Variants in TBC1D1 observed in about 807,000 individuals in gnomAD.
The protein encoded by TBC1D1 is TBC1 domain family member 1.
TBC1D1 carries 89 observed loss-of-function variants against 125.6 expected under a neutral mutation model. The ratio of observed to expected loss-of-function variants is 0.71; its 90% CI spans 0.60 to 0.85. The LOEUF (loss-of-function observed/expected upper bound fraction) is 0.85. TBC1D1 is among the 40% of genes least tolerant of loss of function. The pLI is 0.00. For missense variants in TBC1D1, 1,377 were observed against 1,469.2 expected (o/e 0.94, Z 1.03); for synonymous variants, 565 against 564.1 (o/e 1.00, Z -0.02).
chr4:38,071,895 AC>A (rs1292594780), intron 12 of TBC1D1, among the ~76,000 whole-genome samples: 1 of 152,026 alleles, frequency 6.6e-6, no homozygotes. Flanking sequence ...CAAAGACCAT[AC>A]CCCCAGGAGC....
chr4:38,038,963 T>G (rs984096435), intron 8 of TBC1D1, among the ~76,000 whole-genome samples: 26 of 145,232 alleles, frequency 1.8e-4, no homozygotes, highest in South Asian at 2.2e-4. Context: ...AAAAAAAAAT[T>G]TCATCCTACC....
chr4:38,035,568 T>TGAGGA lies in TBC1D1; in HGVS notation c.1303-20_1303-19insGAGGA, dbSNP rs1747051510. ...GTTGACGATTAAAAATAAATCCTGT[T>TGAGGA]TCTGATTTTTGTTTTAAAGAAATTG... On this transcript the variant is annotated intron_variant, in intron 7 of 19. Coordinates refer to ENST00000261439, the MANE Select transcript of TBC1D1 (RefSeq NM_015173.4). 1.3e-6 allele frequency: 2 copies of TGAGGA among 1,587,472 alleles called. No individual in the cohort carries two copies. Among genetic ancestry groups the TGAGGA allele is most frequent in the African/African-American group, 1.3e-5 (1 of 74,182 alleles).
At chr4:37,985,097 C>T (rs971449445) in intron 2 of TBC1D1, among the ~76,000 whole-genome samples, 4 of 151,818 alleles carry the variant, frequency 2.6e-5, no homozygotes, top group Admixed American at 2.6e-4. Flanking sequence ...AGACTACAGG[C>T]ACGCGCCACC....
At chr4:38,112,899 T>C (rs558890322) in intron 15 of TBC1D1, among the ~76,000 whole-genome samples, 1 of 152,306 alleles carries the variant, frequency 6.6e-6, no homozygotes, top group South Asian at 2.1e-4. Flanking sequence ...TGGTTGAACC[T>C]TTCTCGAGAA....
chr4:37,933,433 T>TACACACACACAC (rs3038289), intron 2 of TBC1D1, among the ~76,000 whole-genome samples: 2 of 147,366 alleles, frequency 1.4e-5, no homozygotes, highest in African/African-American at 5.1e-5. Flanking sequence ...ACATATGTTT[T>TACACACACACAC]ACACACACAC....
At chr4:38,052,695 T>C (rs942044595) in intron 11 of TBC1D1, among the ~76,000 whole-genome samples, 7 of 147,442 alleles carry the variant, frequency 4.7e-5, no homozygotes, top group African/African-American at 1.8e-4. Flanking sequence ...CTTACATGCA[T>C]GCGTATATAC....
At chr4:37,897,305 C>G (rs17496783) in intron 1 of TBC1D1, among the ~76,000 whole-genome samples, 2,342 of 152,214 alleles carry the variant, frequency 0.015, 39 homozygotes, top group Middle Eastern at 0.027. Flanking sequence ...CATAGTTTAT[C>G]TCTGTTATGG....
At chr4:37,964,405 C>T (rs867878204) in intron 2 of TBC1D1, among the ~76,000 whole-genome samples, 9 of 152,160 alleles carry the variant, frequency 5.9e-5, no homozygotes, top group African/African-American at 1.9e-4. Context: ...ACATCCAACT[C>T]GAGACTCAGG....
chr4:38,014,374 TC>T lies in TBC1D1; in HGVS notation c.418-133del, dbSNP rs1742161989. On this transcript the variant is annotated intron_variant, in intron 2 of 19. Transcript: ENST00000261439. The surrounding 1 kb of genome is among the most constrained non-coding windows in gnomAD (Gnocchi z 5.1). The stretch of plus-strand genomic sequence containing the variant: ...TTCCTAGTCCCCTCCCGTGGGCTCC[TC>T]CTCCAGTGGGCTCCTCCTCCAGTGC... The T allele has an allele frequency of 2.6e-6, 2 of 775,572 alleles. No individual in the cohort carries two copies. The highest frequency in any genetic ancestry group is 2.6e-5 in the East Asian group (1 of 37,746). 48.0% of individuals were successfully genotyped at this position (775,572 alleles called of 1,614,324 possible). A position where few individuals can be genotyped will look rare whatever the true frequency, so the allele number is the denominator to read the frequency against.
At chr4:38,101,340 G>A (rs979088042) in intron 14 of TBC1D1, among the ~76,000 whole-genome samples, 2 of 152,132 alleles carry the variant, frequency 1.3e-5, no homozygotes, top group African/African-American at 4.8e-5. Context: ...AGAAAGACTT[G>A]GCATCTTATT....
chr4:38,052,466 G>C (rs1455207161), intron 11 of TBC1D1, among the ~76,000 whole-genome samples: 1 of 151,342 alleles, frequency 6.6e-6, no homozygotes, highest in African/African-American at 2.4e-5. Context: ...CGAGTAGCTG[G>C]GACTACAGGC....
At chr4:37,958,458 ATTG>A (rs1459687661) in intron 2 of TBC1D1, among the ~76,000 whole-genome samples, 1 of 152,062 alleles carries the variant, frequency 6.6e-6, no homozygotes, top group Non-Finnish European at 1.5e-5. Flanking sequence ...TGTTTTGTTC[ATTG>A]TTGTTTCTTT....
At chr4:38,119,531 A>T (rs1212438827) in intron 17 of TBC1D1, among the ~76,000 whole-genome samples, 1 of 151,898 alleles carries the variant, frequency 6.6e-6, no homozygotes, top group Non-Finnish European at 1.5e-5. Context: ...AAAAAAAAAG[A>T]TTAACTAAAA....
At chr4:38,018,308 A>G (rs1265462130) in intron 3 of TBC1D1, 46 bp from the exon 4 acceptor site, 3 of 1,375,426 alleles carry the variant, frequency 2.2e-6, no homozygotes, top group Non-Finnish European at 3.1e-6. Flanking sequence ...ATAGGTCATG[A>G]AATGAGAAAG....
Position 38,118,234 on chromosome 4 carries a change from T to TTA in TBC1D1, c.2962+42_2962+43insTA, listed in dbSNP as rs746995242. 30 of 1,604,316 alleles carry TTA rather than the reference T, an allele frequency of 1.9e-5. No homozygotes were observed. In the East Asian group the frequency reaches 5.1e-4, roughly 27 times the overall value. ...CTGTTTGCCAGAACCAGCCTTCTCT[T>TTA]ATTAGAGGGGAAACATTTCCTGTCT... is the stretch of plus-strand genomic sequence containing the variant. On this transcript the variant is annotated intron_variant, in intron 17 of 19. Coordinates refer to ENST00000261439, the MANE Select transcript of TBC1D1 (RefSeq NM_015173.4).
At position 37,995,824 on chromosome 4, in the gene TBC1D1, G is replaced by T; in HGVS notation, c.418-18685G>T. 1.8e-6 allele frequency: 1 copy of T among 558,548 alleles called. No homozygotes were observed. The allele number at this position is 558,548 out of a possible 1,614,324, so 34.6% of individuals were successfully genotyped here. On this transcript the variant is annotated intron_variant, in intron 2 of 19. Transcript: ENST00000261439. The surrounding 1 kb of genome is among the most constrained non-coding windows in gnomAD (Gnocchi z 4.3). ...AAATCATTTGCATCCTCAGTCTTGG[G>T]GATCAGGTGCTGGATCCATGTGATC...
intron 2 of TBC1D1, among the ~76,000 whole-genome samples, chr4:37,987,970 G>A (rs1735794498): frequency 6.6e-6 from 1 of 152,214 alleles, no homozygotes; most frequent in African/African-American, 2.4e-5. Flanking sequence ...TAGCACACTA[G>A]GCAGGCAGTA....
chr4:38,128,464 T>G (rs1404187963), intron 18 of TBC1D1, among the ~76,000 whole-genome samples: 2 of 152,166 alleles, frequency 1.3e-5, no homozygotes, highest in African/African-American at 2.4e-5. Context: ...GTAGATGTAA[T>G]GGATGCTTCC....
At chr4:38,077,286 C>G (rs993957436) in intron 12 of TBC1D1, among the ~76,000 whole-genome samples, 6 of 152,298 alleles carry the variant, frequency 3.9e-5, no homozygotes, top group Middle Eastern at 3.4e-3. Context: ...GCGTACAAGT[C>G]TTGTAAGGAA....
Sources: allele counts gnomAD v4.1 joint callset (sites outside exome capture counted in the v4.1 genomes callset), GRCh38; gene constraint gnomAD v4.1.1; non-coding constraint Gnocchi (gnomAD v3.1); transcripts MANE v1.5; gene names NCBI Gene and HGNC (gene_info 2026-07-23, HGNC 2026-07-21).